The following HCN4 variants were observed in gnomAD, a reference collection of about 807,000 sequenced individuals.
The protein encoded by HCN4 is hyperpolarization activated cyclic nucleotide gated potassium channel 4, also known as potassium/sodium hyperpolarization-activated cyclic nucleotide-gated channel 4.
In HCN4, 29 loss-of-function variants were observed where a neutral mutation model predicts 76.9. The observed-to-expected ratio is 0.38, with a 90% CI of 0.28 to 0.51. The LOEUF is 0.51. Ranked by LOEUF, HCN4 falls within the 20% of genes least tolerant of loss-of-function variation. The pLI, the probability that HCN4 is intolerant of heterozygous loss-of-function variation, is 0.90. For synonymous variants in HCN4, 772 were observed against 762.5 expected (o/e 1.01, Z -0.21); for missense variants, 1,416 against 1,715.2 (o/e 0.83, Z 3.08).
At position 73,338,329 on chromosome 15, in the gene HCN4, AC is replaced by A. The variant is rs202184400; in HGVS notation, c.1209+5055del. Among the ~76,000 whole-genome samples the A allele has an allele frequency of 3.4e-3, 520 of 152,330 alleles. 2 individuals are homozygous for A. Among genetic ancestry groups the A allele is most frequent in the South Asian group, 0.014 (68 of 4,826 alleles). ...GGTTGAGCACCTTCATTTCCAGGCC[AC>A]TACAAGCCTTGCCCGTCAGGCGGTC... On this transcript the variant is annotated intron_variant, in intron 2 of 7. Coordinates refer to ENST00000261917, the MANE Select transcript of HCN4 (RefSeq NM_005477.3).
chr15:73,352,168 C>G (rs1390906925), intron 1 of HCN4, among the ~76,000 whole-genome samples: 1 of 152,226 alleles, frequency 6.6e-6, no homozygotes, highest in Non-Finnish European at 1.5e-5. Flanking sequence ...TACGGTAGGT[C>G]CTCATAAATA....
chr15:73,332,221 C>A lies in HCN4; in HGVS notation c.1281G>T (p.Leu427=). 6.2e-7 allele frequency: 1 copy of A among 1,614,182 alleles called. No individual in the cohort carries two copies. Reference sequence around the variant, plus strand: ...GCAGGCAGCCGTCCCAGTGGCAGAGCAGGAGCATCATGCCGATGAGGTTCA... The same window carrying A: ...GCAGGCAGCCGTCCCAGTGGCAGAGAAGGAGCATCATGCCGATGAGGTTCA... ...RIVNLIGMML[L]LCHWDGCLQF... is the part of the protein sequence containing the mutation. The change falls in exon 3 of 8, where the codon CTG becomes CTT. Residue 427 remains leucine (L), a synonymous_variant. Coordinates refer to ENST00000261917, the MANE Select transcript of HCN4 (RefSeq NM_005477.3).
At chr15:73,327,197 C>T (rs919375446) in intron 4 of HCN4, among the ~76,000 whole-genome samples, 1 of 151,494 alleles carries the variant, frequency 6.6e-6, no homozygotes, top group African/African-American at 2.4e-5. Flanking sequence ...ACCTCCGCCT[C>T]CTAGGTTCAA....
rs1157129429 is a variant in HCN4 at position 73,326,789 on chromosome 15, ATTTATTTT to A, written c.1591-1353_1591-1346del. The stretch of plus-strand genomic sequence containing the variant: ...TTTCTTTTTATTTATTTATTTATTT[ATTTATTTT>A]TTTTGTTAAGACAGGGTCTCGTTGT... On this transcript the variant is annotated intron_variant, in intron 4 of 7. Coordinates refer to ENST00000261917, the MANE Select transcript of HCN4 (RefSeq NM_005477.3). 1.8e-3 allele frequency among the ~76,000 whole-genome samples: 254 copies of A among 144,580 alleles called. 1 individual carries two copies. Among genetic ancestry groups the A allele is most frequent in the African/African-American group, 6.3e-3 (248 of 39,254 alleles). The allele number at this position is 144,580 out of a possible 152,430, so 94.9% of individuals were successfully genotyped here.
chr15:73,322,614 GA>G lies in HCN4; in HGVS notation c.3478del (p.Ser1160LeufsTer21). 1 of 1,611,882 alleles carries G rather than the reference GA, an allele frequency of 6.2e-7. No individual in the cohort carries two copies. Among genetic ancestry groups the G allele is most frequent in the Non-Finnish European group, 8.5e-7 (1 of 1,179,368 alleles). Reference protein sequence around the residue: ...VTLPRKTSSGSLPPPLSLFGA... With the variant: ...VTLPRKTSSGXLPPPLSLFGA... Reference sequence around the variant, plus strand: ...AAACAAAGACAGAGGGGGTGGCAAAGAACCTGAGGATGTCTTCCGAGGCAGA... The same window carrying G: ...AAACAAAGACAGAGGGGGTGGCAAAGACCTGAGGATGTCTTCCGAGGCAGA... On this transcript the variant is annotated frameshift_variant, in exon 8 of 8. Transcript: ENST00000261917. LOFTEE classifies it high-confidence loss of function.
intron 3 of HCN4, 21 bp from the exon 4 acceptor site, chr15:73,329,812 G>C (rs1293205047): frequency 6.3e-7 from 1 of 1,596,516 alleles, no homozygotes; most frequent in South Asian, 1.1e-5. Flanking sequence ...ACGGATGGGT[G>C]GGGACAGTGG....
At chr15:73,357,565 G>A (rs566721086) in intron 1 of HCN4, among the ~76,000 whole-genome samples, 7 of 152,134 alleles carry the variant, frequency 4.6e-5, no homozygotes, top group Non-Finnish European at 5.9e-5. Flanking sequence ...GGAGGAGAGC[G>A]TGGTTGAGGC....
At chr15:73,330,008 G>C (rs1399047257) in intron 3 of HCN4, among the ~76,000 whole-genome samples, 1 of 152,244 alleles carries the variant, frequency 6.6e-6, no homozygotes, top group Non-Finnish European at 1.5e-5. Context: ...TGGGGGCAGA[G>C]ATCAGACTGG....
chr15:73,345,920 C>T lies in HCN4; in HGVS notation c.786-2112G>A, dbSNP rs781478258. 1.4e-4 allele frequency among the ~76,000 whole-genome samples: 21 copies of T among 152,284 alleles called. 1 individual carries two copies. The highest frequency in any genetic ancestry group is 1.3e-3 in the East Asian group (7 of 5,194). Reference sequence around the variant, plus strand: ...GACTCGGGCGGGCCTGCCACTCCAACGGGTTTCTACACTCTCCCCAGCTCT... The same window carrying T: ...GACTCGGGCGGGCCTGCCACTCCAATGGGTTTCTACACTCTCCCCAGCTCT... On this transcript the variant is annotated intron_variant, in intron 1 of 7. Transcript: ENST00000261917.
At chr15:73,330,722 G>A (rs902311674) in intron 3 of HCN4, among the ~76,000 whole-genome samples, 9 of 152,198 alleles carry the variant, frequency 5.9e-5, no homozygotes, top group East Asian at 1.9e-4. Context: ...GCAGGAGCCC[G>A]TGAGCTTCGA....
chr15:73,367,972 A>G lies in HCN4; in HGVS notation c.299T>C (p.Leu100Pro). 7.4e-7 allele frequency: 1 copy of G among 1,349,812 alleles called. No individual in the cohort carries two copies. The highest frequency in any genetic ancestry group is 1.5e-5 in the African/African-American group (1 of 66,114). 83.6% of individuals were successfully genotyped at this position (1,349,812 alleles called of 1,614,324 possible). ...GCCGCCCCGGCTGCCCAGCGAGGCCAGGCTCCCGCGGAAGCGCCTGCAGTC... is the reference window on the plus strand; with the variant it reads ...GCCGCCCCGGCTGCCCAGCGAGGCCGGGCTCCCGCGGAAGCGCCTGCAGTC... ...NGDCRRFRGSLASLGSRGGGS... is the reference protein window; with the variant it reads ...NGDCRRFRGSPASLGSRGGGS... The change falls in exon 1 of 8, where the codon CTG (leucine) becomes CCG (proline). Residue 100 changes from leucine (L) to proline (P), a missense_variant. Physicochemically the swap from Leu to Pro is moderately conservative, Grantham distance 98. Around this residue, in one of 6 missense-constraint regions of HCN4, gnomAD observed 355 missense variants for 347.8 expected, o/e 1.02. Transcript: ENST00000261917. This position sits in a 1 kb window ranked among gnomAD's most constrained non-coding sequence, Gnocchi z 7.5.
At chr15:73,334,725 T>C (rs570310605) in intron 2 of HCN4, among the ~76,000 whole-genome samples, 24 of 146,532 alleles carry the variant, frequency 1.6e-4, no homozygotes, top group Non-Finnish European at 2.8e-4. Flanking sequence ...ATCTGCCCCC[T>C]GTTTTACAAG....
intron 2 of HCN4, among the ~76,000 whole-genome samples, chr15:73,339,151 C>A (rs986459394): frequency 5.3e-5 from 8 of 152,180 alleles, no homozygotes; most frequent in African/African-American, 1.9e-4. Context: ...AGAAGGGTAA[C>A]CATGGTTTCT....
At position 73,329,564 on chromosome 15, in the gene HCN4, T is replaced by C; in HGVS notation, c.1590+9A>G. On this transcript the variant is annotated intron_variant, in intron 4 of 7. Transcript: ENST00000261917. ...GACCAATGTGCGGGTGCTCCCTGGG[T>C]AGACCTACCTTTTCCTGGTACTGGC... The C allele has an allele frequency of 1.2e-6, 2 of 1,613,524 alleles. No homozygotes were observed. Among genetic ancestry groups the C allele is most frequent in the Non-Finnish European group, 8.5e-7 (1 of 1,179,756 alleles).
intron 3 of HCN4, among the ~76,000 whole-genome samples, chr15:73,330,809 G>A (rs2042928282): frequency 6.6e-6 from 1 of 152,196 alleles, no homozygotes; most frequent in Admixed American, 6.5e-5. Flanking sequence ...AGTCTAGACT[G>A]GAGTGGGGAC....
In HCN4 at chr15:73,329,803, C is replaced by G; in HGVS notation, c.1372-12G>C. The G allele has an allele frequency of 6.2e-7, 1 of 1,608,278 alleles. No homozygotes were observed. Among genetic ancestry groups the G allele is most frequent in the Non-Finnish European group, 8.5e-7 (1 of 1,175,958 alleles). On this transcript the variant is annotated splice_polypyrimidine_tract_variant and intron_variant, in intron 3 of 7. Coordinates refer to ENST00000261917, the MANE Select transcript of HCN4 (RefSeq NM_005477.3). Reference sequence around the variant, plus strand: ...CCCCAGGAGTTGTTCTGTGGACAGACGGATGGGTGGGGACAGTGGATGAGA... The same window carrying G: ...CCCCAGGAGTTGTTCTGTGGACAGAGGGATGGGTGGGGACAGTGGATGAGA...
chr15:73,361,699 G>C (rs1344514003), intron 1 of HCN4, among the ~76,000 whole-genome samples: 1 of 152,204 alleles, frequency 6.6e-6, no homozygotes, highest in African/African-American at 2.4e-5. Context: ...TATGACACTT[G>C]TCAGCCCCAT....
rs767027074 is a variant in HCN4, at chr15:73,322,473, G to A, written c.*8C>T. 74 of 1,574,800 alleles carry A rather than the reference G, an allele frequency of 4.7e-5. No homozygotes were observed. Among genetic ancestry groups the A allele is most frequent in the Non-Finnish European group, 5.6e-5 (65 of 1,157,880 alleles). ...AAAGAAGAAAGAAGAGGGAAGGAAG[G>A]GCCCAGCTCATAGATTGGATGGCAG... On this transcript the variant is annotated 3_prime_UTR_variant, in exon 8 of 8. Coordinates refer to ENST00000261917, the MANE Select transcript of HCN4 (RefSeq NM_005477.3).
At chr15:73,336,487 G>A (rs1170514911) in intron 2 of HCN4, among the ~76,000 whole-genome samples, 2 of 152,122 alleles carry the variant, frequency 1.3e-5, no homozygotes, top group African/African-American at 4.8e-5. Flanking sequence ...CACACAGGTG[G>A]ACTCAGAGTA....
Sources: gnomAD v4.1 joint callset for allele counts (sites outside exome capture counted in the v4.1 genomes callset) on GRCh38, gnomAD v4.1.1 for gene constraint, gnomAD v4.1.1 regional missense constraint, Gnocchi (gnomAD v3.1) non-coding constraint, MANE v1.5 for transcripts, NCBI Gene and HGNC (gene_info 2026-07-23, HGNC 2026-07-21) for gene names.